Variants in DDHD1 observed in about 807,000 individuals in gnomAD.
DDHD1 encodes DDHD domain containing 1.
In DDHD1, 49 loss-of-function variants were observed where a neutral mutation model predicts 96.4. The ratio of observed to expected loss-of-function variants is 0.51; its 90% CI spans 0.40 to 0.64. The LOEUF (loss-of-function observed/expected upper bound fraction) is 0.64, where lower values mean the gene tolerates loss of function less well. Ranked by LOEUF, DDHD1 falls within the 30% of genes least tolerant of loss-of-function variation. DDHD1 has a pLI of 0.00. For synonymous variants in DDHD1, 442 were observed against 446.5 expected (o/e 0.99, Z 0.13); for missense variants, 1,106 against 1,161.2 (o/e 0.95, Z 0.69).
rs968772795 is a variant in DDHD1 at position 53,097,637 on chromosome 14, T to C, written c.1013-4193A>G. Reference sequence around the variant, plus strand: ...AGACTTTACTGCTTGAAACAAAAACTAGATTTTGTAGATCTGGTAGTAAAA... The same window carrying C: ...AGACTTTACTGCTTGAAACAAAAACCAGATTTTGTAGATCTGGTAGTAAAA... On this transcript the variant is annotated intron_variant, in intron 2 of 12. Transcript: ENST00000673822. Among the ~76,000 whole-genome samples, 6 of 151,968 alleles carry C rather than the reference T, an allele frequency of 3.9e-5. No individual in the cohort carries two copies. In the East Asian group the frequency reaches 5.8e-4, roughly 15 times the overall value.
chr14:53,037,627 A>G lies in DDHD1; in HGVS notation c.*9141T>C, dbSNP rs1881358100. On this transcript the variant is annotated 3_prime_UTR_variant, in exon 13 of 13. Coordinates refer to ENST00000673822, the MANE Select transcript of DDHD1 (RefSeq NM_001160148.2). ...TTGTTAAGTTCCTTATTGATTCTGGATGTCAGATCTTTGTTGGATGTCTAG... is the reference window on the plus strand; with the variant it reads ...TTGTTAAGTTCCTTATTGATTCTGGGTGTCAGATCTTTGTTGGATGTCTAG... 6.6e-6 allele frequency: 1 copy of G among 151,936 alleles called. No homozygotes were observed. Among genetic ancestry groups the G allele is most frequent in the South Asian group, 2.1e-4 (1 of 4,812 alleles). 9.4% of individuals were successfully genotyped at this position (151,936 alleles called of 1,614,324 possible).
chr14:53,151,696 G>A (rs1038178162), intron 1 of DDHD1, among the ~76,000 whole-genome samples: 8 of 152,198 alleles, frequency 5.3e-5, no homozygotes, highest in African/African-American at 1.9e-4. Flanking sequence ...ATTCCACCGA[G>A]GGAGCGGAGC....
At chr14:53,141,435 C>T in intron 1 of DDHD1, among the ~76,000 whole-genome samples, 1 of 152,162 alleles carries the variant, frequency 6.6e-6, no homozygotes, top group South Asian at 2.1e-4. Context: ...AACAGAATTT[C>T]TTCTATTAAA....
At chr14:53,126,849 A>G (rs1319720378) in intron 1 of DDHD1, among the ~76,000 whole-genome samples, 2 of 152,258 alleles carry the variant, frequency 1.3e-5, no homozygotes, top group Non-Finnish European at 2.9e-5. Context: ...GTTACAAAAG[A>G]GAAGCACAGC....
intron 1 of DDHD1, among the ~76,000 whole-genome samples, chr14:53,113,007 T>G (rs1047016585): frequency 6.6e-6 from 1 of 152,196 alleles, no homozygotes; most frequent in African/African-American, 2.4e-5. Flanking sequence ...TCATCCAGGC[T>G]GGAGTGCAGT....
At chr14:53,093,287 G>A (rs1165941859) in intron 3 of DDHD1, 29 bp downstream of exon 3, 1 of 1,575,560 alleles carries the variant, frequency 6.3e-7, no homozygotes, top group Admixed American at 2.0e-5. Flanking sequence ...CCAAAATTTT[G>A]ATAAGCTCTA....
Position 53,098,958 on chromosome 14 carries a change from T to A in DDHD1, c.1012+4725A>T, listed in dbSNP as rs146131988. 1.1e-3 allele frequency among the ~76,000 whole-genome samples: 173 copies of A among 152,198 alleles called. 1 individual carries two copies. Among genetic ancestry groups the A allele is most frequent in the African/African-American group, 3.6e-3 (150 of 41,562 alleles). ...TGCCTTTTAACTGGAGTATTAATTA[T>A]CTTATATATACAAATATATTTATAT... On this transcript the variant is annotated intron_variant, in intron 2 of 12. Coordinates refer to ENST00000673822, the MANE Select transcript of DDHD1 (RefSeq NM_001160148.2).
In DDHD1 at chr14:53,040,799, A is replaced by C. The variant is rs999076414; in HGVS notation, c.*5969T>G. On this transcript the variant is annotated 3_prime_UTR_variant, in exon 13 of 13. Coordinates refer to ENST00000673822, the MANE Select transcript of DDHD1 (RefSeq NM_001160148.2). ...CCTGCCTTCAAAGAGTTGTGATTGCAGTCATTGACAACATTTAGTAGTGTT... is the reference window on the plus strand; with the variant it reads ...CCTGCCTTCAAAGAGTTGTGATTGCCGTCATTGACAACATTTAGTAGTGTT... 1.4e-4 allele frequency: 22 copies of C among 152,162 alleles called. No homozygotes were observed. Among genetic ancestry groups the C allele is most frequent in the Non-Finnish European group, 2.9e-4 (20 of 68,030 alleles). The allele number at this position is 152,162 out of a possible 1,614,324, so 9.4% of individuals were successfully genotyped here.
At chr14:53,071,851 C>T (rs971266637) in intron 6 of DDHD1, among the ~76,000 whole-genome samples, 2 of 152,154 alleles carry the variant, frequency 1.3e-5, no homozygotes, top group East Asian at 3.9e-4. Flanking sequence ...ATTGTGAACA[C>T]AGAAGAGAGA....
At chr14:53,124,199 C>T (rs1373058072) in intron 1 of DDHD1, among the ~76,000 whole-genome samples, 1 of 150,870 alleles carries the variant, frequency 6.6e-6, no homozygotes, top group Non-Finnish European at 1.5e-5. Flanking sequence ...CACGCCAGTG[C>T]ACTCCAGCCT....
intron 1 of DDHD1, among the ~76,000 whole-genome samples, chr14:53,110,861 A>T (rs975102935): frequency 5.3e-5 from 8 of 152,166 alleles, no homozygotes; most frequent in African/African-American, 1.9e-4. Context: ...CTGTAATCCC[A>T]GCTACTCAGG....
intron 1 of DDHD1, among the ~76,000 whole-genome samples, chr14:53,124,164 G>T (rs1889240412): frequency 6.6e-6 from 1 of 151,744 alleles, no homozygotes; most frequent in Non-Finnish European, 1.5e-5. Flanking sequence ...GAACCTGGGA[G>T]GCAGAGGTTA....
At chr14:53,142,795 A>G (rs7153042) in intron 1 of DDHD1, among the ~76,000 whole-genome samples, 111,860 of 152,166 alleles carry the variant, frequency 0.74, 43,781 homozygotes, top group East Asian at 0.97. Flanking sequence ...GGGCCTGAGA[A>G]ACCAGACAAA....
chr14:53,111,209 A>G (rs1468285251), intron 1 of DDHD1, among the ~76,000 whole-genome samples: 1 of 152,206 alleles, frequency 6.6e-6, no homozygotes, highest in Non-Finnish European at 1.5e-5. Flanking sequence ...GAATCCCAGC[A>G]CTTTGGATTG....
rs141728800 is a variant in DDHD1, at chr14:53,118,607, A to G, written c.839-14751T>C. Among the ~76,000 whole-genome samples, 284 of 152,316 alleles carry G rather than the reference A, an allele frequency of 1.9e-3. 1 individual carries two copies. The highest frequency in any genetic ancestry group is 6.4e-3 in the African/African-American group (265 of 41,568). On this transcript the variant is annotated intron_variant, in intron 1 of 12. Transcript: ENST00000673822. The stretch of plus-strand genomic sequence containing the variant: ...TGAAATAAAACAAGAAGAGAAGTTT[A>G]GAGAAAAAAGAGTAAAAAGAAACAA...
At chr14:53,103,420 G>C (rs1336420000) in intron 2 of DDHD1, 3 of 378,496 alleles carry the variant, frequency 7.9e-6, no homozygotes, top group Non-Finnish European at 1.4e-5. Flanking sequence ...ATTAAATAGG[G>C]AGTGCATTGT....
rs1881898078 is a variant in DDHD1 at position 53,044,788 on chromosome 14, A to C, written c.*1980T>G. 1 of 152,222 alleles carries C rather than the reference A, an allele frequency of 6.6e-6. No homozygotes were observed. The highest frequency in any genetic ancestry group is 6.5e-5 in the Admixed American group (1 of 15,282). 9.4% of individuals were successfully genotyped at this position (152,222 alleles called of 1,614,324 possible). ...TTGTGCAAATTCAGCAAAAGGCCAA[A>C]ACAGCCAACAGTACTGAAGCACTAA... On this transcript the variant is annotated 3_prime_UTR_variant, in exon 13 of 13. Coordinates refer to ENST00000673822, the MANE Select transcript of DDHD1 (RefSeq NM_001160148.2).
chr14:53,058,246 C>T (rs538692907), intron 9 of DDHD1, among the ~76,000 whole-genome samples: 2 of 152,306 alleles, frequency 1.3e-5, no homozygotes, highest in Admixed American at 1.3e-4. Flanking sequence ...AAGTGATTCT[C>T]CTGCCTTACA....
intron 8 of DDHD1, among the ~76,000 whole-genome samples, chr14:53,059,661 C>T (rs1220134196): frequency 2.7e-5 from 4 of 148,452 alleles, no homozygotes; most frequent in Non-Finnish European, 4.5e-5. Context: ...GTCAGGAGTT[C>T]GAGACCAGCC....
Sources: gnomAD v4.1 joint callset for allele counts (sites outside exome capture counted in the v4.1 genomes callset) on GRCh38, gnomAD v4.1.1 for gene constraint, MANE v1.5 for transcripts, NCBI Gene and HGNC (gene_info 2026-07-23, HGNC 2026-07-21) for gene names.